The following KCNIP4 variants were observed in gnomAD, a reference collection of about 807,000 sequenced individuals.
KCNIP4 encodes the protein Kv channel-interacting protein 4.
A neutral mutation model predicts 34.0 loss-of-function variants in KCNIP4; 12 were observed. That is an observed-to-expected ratio of 0.35 (90% CI 0.23 to 0.57). The LOEUF is 0.57. Ranked by LOEUF, KCNIP4 falls within the 20% of genes least tolerant of loss-of-function variation. The probability of loss-of-function intolerance (pLI) is 0.83; values close to 1 mark genes in which losing one functional copy is unlikely to be tolerated. For missense variants in KCNIP4, 238 were observed against 311.7 expected (o/e 0.76, Z 1.78); for synonymous variants, 124 against 102.2 (o/e 1.21, Z -1.29).
rs147789735 is a variant in KCNIP4, at chr4:20,937,934, ATAAT to A, written c.62-55229_62-55226del. Among the ~76,000 whole-genome samples, 488 of 152,344 alleles carry A rather than the reference ATAAT, an allele frequency of 3.2e-3. 3 individuals carry two copies. The highest frequency in any genetic ancestry group is 0.011 in the African/African-American group (468 of 41,582). Reference sequence around the variant, plus strand: ...ACTATAATGGTTATTTTACAGAGAAATAATTCTATTTTTTCCCTTGAAAGTACTA... The same window carrying A: ...ACTATAATGGTTATTTTACAGAGAAATCTATTTTTTCCCTTGAAAGTACTA... On this transcript the variant is annotated intron_variant, in intron 1 of 8. Transcript: ENST00000382152.
chr4:21,885,990 C>A (rs1478131156), intron 1 of KCNIP4, among the ~76,000 whole-genome samples: 3 of 152,106 alleles, frequency 2.0e-5, no homozygotes, highest in Non-Finnish European at 4.4e-5. Context: ...ATTCTCACAA[C>A]AATCCATAAT....
intron 3 of KCNIP4, among the ~76,000 whole-genome samples, chr4:20,764,026 T>C (rs186810148): frequency 1.9e-4 from 29 of 152,328 alleles, no homozygotes; most frequent in African/African-American, 6.5e-4. Flanking sequence ...CAAGAAGCAG[T>C]AGGGTTCCTG....
At chr4:21,852,210 G>A (rs1724456243) in intron 1 of KCNIP4, 1 of 152,096 alleles carries the variant, frequency 6.6e-6, no homozygotes, top group African/African-American at 2.4e-5. Context: ...TCTGTCCCGG[G>A]AAGGCTTCCA....
At chr4:20,842,581 C>CAAAAAAAAAAAAAAAAAAAA (rs59134256) in intron 3 of KCNIP4, among the ~76,000 whole-genome samples, 1 of 69,692 alleles carries the variant, frequency 1.4e-5, no homozygotes, top group African/African-American at 5.9e-5. Context: ...CTTCTAATGG[C>CAAAAAAAAAAAAAAAAAAAA]AAAAAAAAAA....
intron 1 of KCNIP4, among the ~76,000 whole-genome samples, chr4:21,186,290 C>T: frequency 6.6e-6 from 1 of 152,298 alleles, no homozygotes; most frequent in East Asian, 1.9e-4. Context: ...TTTCAAAGCT[C>T]AACTCCTTGT....
chr4:20,939,247 C>T (rs890271241), intron 1 of KCNIP4, among the ~76,000 whole-genome samples: 7 of 152,172 alleles, frequency 4.6e-5, no homozygotes, highest in Non-Finnish European at 7.4e-5. Context: ...CCCAACTCTA[C>T]ATTCCTATTT....
chr4:21,227,883 G>A (rs1171967144), intron 1 of KCNIP4, among the ~76,000 whole-genome samples: 3 of 152,096 alleles, frequency 2.0e-5, no homozygotes, highest in Non-Finnish European at 4.4e-5. Context: ...GTCAGGAGAT[G>A]TACTAGTTTT....
intron 1 of KCNIP4, among the ~76,000 whole-genome samples, chr4:21,445,587 C>A (rs1269854537): frequency 6.6e-6 from 1 of 152,188 alleles, no homozygotes; most frequent in Admixed American, 6.5e-5. Context: ...AAAGCTGAAA[C>A]TGGATCCCTT....
intron 1 of KCNIP4, among the ~76,000 whole-genome samples, chr4:21,338,264 C>CAAAAA (rs869150288): frequency 6.0e-5 from 3 of 49,992 alleles, no homozygotes; most frequent in Admixed American, 2.3e-4. Flanking sequence ...GACTCCTTCT[C>CAAAAA]AAAAAAAAAA....
At chr4:21,593,841 G>C (rs754331852) in intron 1 of KCNIP4, among the ~76,000 whole-genome samples, 2 of 152,096 alleles carry the variant, frequency 1.3e-5, no homozygotes, top group Non-Finnish European at 2.9e-5. Flanking sequence ...CAACATTTGA[G>C]ACAAATAGTG....
intron 3 of KCNIP4, among the ~76,000 whole-genome samples, chr4:20,824,537 G>A (rs537110337): frequency 4.6e-5 from 7 of 152,070 alleles, no homozygotes; most frequent in South Asian, 4.2e-4. Context: ...AAAATTAGCC[G>A]GGCGTGGTGG....
intron 1 of KCNIP4, among the ~76,000 whole-genome samples, chr4:21,677,334 A>G (rs1749990408): frequency 6.6e-6 from 1 of 152,224 alleles, no homozygotes; most frequent in Non-Finnish European, 1.5e-5. Context: ...TAGCACTTCA[A>G]GATATTTTTA....
intron 1 of KCNIP4, among the ~76,000 whole-genome samples, chr4:21,788,945 C>T (rs11737806): frequency 0.078 from 11,808 of 151,690 alleles, 542 homozygotes; most frequent in Middle Eastern, 0.14. Flanking sequence ...TGGCGGCGCG[C>T]GTCTGTAGTC....
intron 1 of KCNIP4, among the ~76,000 whole-genome samples, chr4:21,065,726 CTATATATATATATATATATATATATATA>C (rs5856598): frequency 1.2e-5 from 1 of 86,370 alleles, no homozygotes; most frequent in South Asian, 4.6e-4. Flanking sequence ...TATCATTTGT[CTATATATATATATATATATATATATATA>C]TATATATATA....
At chr4:20,936,160 G>A (rs1207049290) in intron 1 of KCNIP4, among the ~76,000 whole-genome samples, 3 of 152,010 alleles carry the variant, frequency 2.0e-5, no homozygotes, top group Non-Finnish European at 4.4e-5. Context: ...AATTTAACAA[G>A]GATCACTACA....
At chr4:21,361,024 C>A (rs959886139) in intron 1 of KCNIP4, among the ~76,000 whole-genome samples, 1 of 149,538 alleles carries the variant, frequency 6.7e-6, no homozygotes, top group Admixed American at 6.8e-5. Context: ...GAACATTTAT[C>A]ATCATTATCG....
intron 1 of KCNIP4, among the ~76,000 whole-genome samples, chr4:21,246,837 C>T (rs957744967): frequency 6.6e-6 from 1 of 152,140 alleles, no homozygotes; most frequent in Admixed American, 6.6e-5. Flanking sequence ...TTTCTTTTCA[C>T]AAGCACTAAT....
chr4:20,729,884 G>GTGGCATTA lies in KCNIP4; in HGVS notation c.*190_*197dup. 1 of 500,518 alleles carries GTGGCATTA rather than the reference G, an allele frequency of 2.0e-6. No individual in the cohort carries two copies. Among genetic ancestry groups the GTGGCATTA allele is most frequent in the Non-Finnish European group, 3.4e-6 (1 of 293,224 alleles). The allele number at this position is 500,518 out of a possible 1,614,324, so 31.0% of individuals were successfully genotyped here. A position where few individuals can be genotyped will look rare whatever the true frequency, so the allele number is the denominator to read the frequency against. On this transcript the variant is annotated 3_prime_UTR_variant, in exon 9 of 9. Transcript: ENST00000382152. ...TGAGTTAGACCATCCCCTGAACTCA[G>GTGGCATTA]TGGCATTATGAAAAGGATGCAAATT...
At chr4:21,109,804 A>AT (rs141036200) in intron 1 of KCNIP4, among the ~76,000 whole-genome samples, 44,210 of 151,948 alleles carry the variant, frequency 0.29, 7,079 homozygotes, top group African/African-American at 0.44. Context: ...TTCTTTGTGT[A>AT]TTTCCTCTAA....
Sources: allele counts gnomAD v4.1 joint callset (sites outside exome capture counted in the v4.1 genomes callset), GRCh38; gene constraint gnomAD v4.1.1; transcripts MANE v1.5; gene names NCBI Gene and HGNC (gene_info 2026-07-23, HGNC 2026-07-21).